ZBED6: variants seen among roughly 807,000 people sequenced by gnomAD.
ZBED6 encodes the protein zinc finger BED domain-containing protein 6.
In ZBED6, 40 loss-of-function variants were observed where a neutral mutation model predicts 58.4. The observed-to-expected ratio is 0.68, with a 90% CI of 0.53 to 0.89. ZBED6 has a LOEUF of 0.89. Among genes scored for constraint, ZBED6 ranks in the 40% least tolerant of loss-of-function variants. The probability of loss-of-function intolerance (pLI) is 0.00; values close to 1 mark genes in which losing one functional copy is unlikely to be tolerated. For missense variants in ZBED6, 1,057 were observed against 1,003.9 expected, an observed-to-expected ratio of 1.05 and a Z score of -0.71; for synonymous variants, 439 against 350.6, an observed-to-expected ratio of 1.25 and a Z score of -2.82.
chr1:203,831,859 T>A, intron 8 of ZBED6, 88 bp downstream of exon 8: 1 of 1,116,366 alleles, frequency 9.0e-7, no homozygotes. Context: ...TTACCTTTGA[T>A]GAATTTTCAG....
chr1:203,833,618 G>GTTT (rs553171669), intron 8 of ZBED6, among the ~76,000 whole-genome samples, 173 bp from the exon 9 acceptor site: 1 of 124,832 alleles, frequency 8.0e-6, no homozygotes, highest in East Asian at 2.3e-4. Flanking sequence ...ATAGGTTTGG[G>GTTT]TTTTTTTTTT....
intron 3 of ZBED6, among the ~76,000 whole-genome samples, chr1:203,821,900 G>A (rs1384320348): frequency 6.6e-6 from 1 of 152,004 alleles, no homozygotes; most frequent in East Asian, 1.9e-4. Flanking sequence ...TGGGATTACA[G>A]GTGCCCGCCA....
chr1:203,841,432 T>A (rs1480312230), intron 11 of ZBED6, among the ~76,000 whole-genome samples: 1 of 152,076 alleles, frequency 6.6e-6, no homozygotes, highest in East Asian at 1.9e-4. Flanking sequence ...TTTAACCCTG[T>A]GTGGACACAG....
At chr1:203,842,923 T>C (rs1429289761) in intron 11 of ZBED6, among the ~76,000 whole-genome samples, 1 of 62,802 alleles carries the variant, frequency 1.6e-5, no homozygotes, top group Non-Finnish European at 4.0e-5. Context: ...CAGCCTTCCG[T>C]CTTTTTTTTT....
In ZBED6 at chr1:203,842,077, G is replaced by A. The variant is rs539375731; in HGVS notation, c.*3741+1703G>A. 1.9e-3 allele frequency among the ~76,000 whole-genome samples: 283 copies of A among 151,776 alleles called. 2 individuals carry two copies. The highest frequency in any genetic ancestry group is 6.5e-3 in the African/African-American group (267 of 41,366). On this transcript the variant is annotated intron_variant, in intron 11 of 16. Transcript: ENST00000550078. Reference sequence around the variant, plus strand: ...CAGAGACACTCCTCACTTCCTAGACGGGATGGCGGCTGGGAAGAGGCGCTC... The same window carrying A: ...CAGAGACACTCCTCACTTCCTAGACAGGATGGCGGCTGGGAAGAGGCGCTC...
At chr1:203,840,183 C>A in intron 10 of ZBED6, 123 bp from the exon 11 acceptor site, 1 of 862,680 alleles carries the variant, frequency 1.2e-6, no homozygotes, top group Non-Finnish European at 1.8e-6. Flanking sequence ...AAGTGATCAG[C>A]CTGCCTTGGC....
At chr1:203,819,551 T>TTTTTTTTTTTTTTA (rs1677741962) in intron 3 of ZBED6, among the ~76,000 whole-genome samples, 1 of 83,014 alleles carries the variant, frequency 1.2e-5, no homozygotes. Flanking sequence ...TTTTTTTTTT[T>TTTTTTTTTTTTTTA]GAGACAGAGT....
chr1:203,848,017 C>T (rs530952692), intron 12 of ZBED6, among the ~76,000 whole-genome samples: 6 of 152,060 alleles, frequency 3.9e-5, no homozygotes, highest in East Asian at 1.9e-4. Context: ...CACCACACCC[C>T]GCTAATTTTT....
chr1:203,809,262 G>A (rs1373268283), intron 1 of ZBED6, among the ~76,000 whole-genome samples: 2 of 124,466 alleles, frequency 1.6e-5, no homozygotes, highest in East Asian at 2.8e-4. Context: ...TGCAACCTCC[G>A]CCTCCAGGGT....
chr1:203,850,116 G>A (rs1481809027), intron 14 of ZBED6, 90 bp downstream of exon 14: 5 of 1,216,466 alleles, frequency 4.1e-6, no homozygotes, highest in Non-Finnish European at 5.8e-6. Flanking sequence ...GCAACAATTG[G>A]GTTGAATTTC....
chr1:203,807,802 G>A (rs1672892014), intron 1 of ZBED6, among the ~76,000 whole-genome samples: 1 of 151,870 alleles, frequency 6.6e-6, no homozygotes, highest in African/African-American at 2.4e-5. Context: ...AGTGCAGTGG[G>A]GCAGTCACGG....
intron 10 of ZBED6, among the ~76,000 whole-genome samples, chr1:203,839,286 CCTT>C (rs1200610073): frequency 1.3e-5 from 2 of 152,218 alleles, no homozygotes; most frequent in Non-Finnish European, 2.9e-5. Context: ...CTCAAGCCAT[CCTT>C]CTTCAGCCTC....
rs771572847 is a variant in ZBED6, at chr1:203,798,752, AAGTC to A, written c.1233_1236del (p.Ser411ArgfsTer6). The stretch of plus-strand genomic sequence containing the variant: ...GTGGAAATCCAGTCTCAAGTCACAT[AAGTC>A]AGGCAATTATCCAAATGATTGTGGA... On this transcript the variant is annotated frameshift_variant, in exon 1 of 17. Coordinates refer to ENST00000550078, the Ensembl canonical transcript of ZBED6. LOFTEE classifies it high-confidence loss of function. 3.3e-6 allele frequency: 5 copies of A among 1,536,044 alleles called. No individual in the cohort carries two copies.
chr1:203,797,825 G>A (rs151253583), exon 1 of ZBED6: 54 of 1,536,096 alleles, frequency 3.5e-5, no homozygotes, highest in Non-Finnish European at 4.6e-5. Flanking sequence ...CCCCTGCTTT[G>A]TTAGCTTCCA....
At chr1:203,833,184 G>A (rs534870183) in intron 8 of ZBED6, among the ~76,000 whole-genome samples, 1 of 152,164 alleles carries the variant, frequency 6.6e-6, no homozygotes, top group South Asian at 2.1e-4. Context: ...CCCGACCAAC[G>A]CGGTGAAACC....
At chr1:203,818,980 A>G (rs1355410576) in intron 3 of ZBED6, among the ~76,000 whole-genome samples, 1 of 151,354 alleles carries the variant, frequency 6.6e-6, no homozygotes, top group East Asian at 2.0e-4. Context: ...GAGGCAGGAA[A>G]ATCGCTCGAA....
chr1:203,848,560 A>G (rs1688492478), intron 13 of ZBED6, among the ~76,000 whole-genome samples, 153 bp downstream of exon 13: 1 of 152,186 alleles, frequency 6.6e-6, no homozygotes, highest in African/African-American at 2.4e-5. Context: ...AATTTCCTGT[A>G]GTTCTATGTA....
At chr1:203,807,674 A>G (rs1163269507) in intron 1 of ZBED6, among the ~76,000 whole-genome samples, 1 of 151,946 alleles carries the variant, frequency 6.6e-6, no homozygotes, top group Non-Finnish European at 1.5e-5. Flanking sequence ...CCACAGATGT[A>G]TGGACCATGC....
At chr1:203,819,530 T>C (rs1369557813) in intron 3 of ZBED6, among the ~76,000 whole-genome samples, 18 of 7,446 alleles carry the variant, frequency 2.4e-3, no homozygotes, top group African/African-American at 8.0e-3. Context: ...CTGACTCCAA[T>C]TTTTTTTTTT....
Sources: allele counts gnomAD v4.1 joint callset (sites outside exome capture counted in the v4.1 genomes callset), GRCh38; gene constraint gnomAD v4.1.1; transcripts MANE v1.5; gene names NCBI Gene and HGNC (gene_info 2026-07-23, HGNC 2026-07-21).